BAIAP2L1: variants seen among roughly 807,000 people sequenced by gnomAD.
BAIAP2L1 encodes BAR/IMD domain containing adaptor protein 2 like 1.
A neutral mutation model predicts 66.3 loss-of-function variants in BAIAP2L1; 35 were observed. That is an observed-to-expected ratio of 0.53 (90% CI 0.40 to 0.70). BAIAP2L1 has a LOEUF of 0.70. BAIAP2L1 is among the 30% of genes least tolerant of loss of function. BAIAP2L1 has a pLI of 0.00. For synonymous variants in BAIAP2L1, 269 were observed against 248.7 expected, an observed-to-expected ratio of 1.08 and a Z score of -0.77; for missense variants, 622 against 656.9, an observed-to-expected ratio of 0.95 and a Z score of 0.58.
intron 3 of BAIAP2L1, among the ~76,000 whole-genome samples, chr7:98,347,121 G>A (rs1186408322): frequency 6.6e-6 from 1 of 152,184 alleles, no homozygotes; most frequent in Non-Finnish European, 1.5e-5. Context: ...AATTTGGCAA[G>A]GAGTATGGCA....
At chr7:98,387,781 T>C (rs1029241819) in intron 1 of BAIAP2L1, among the ~76,000 whole-genome samples, 3 of 151,962 alleles carry the variant, frequency 2.0e-5, no homozygotes, top group East Asian at 1.9e-4. Context: ...GCAGGAGAAT[T>C]TGCTTGAGCC....
intron 12 of BAIAP2L1, among the ~76,000 whole-genome samples, chr7:98,301,503 G>A (rs1800421661): frequency 7.9e-6 from 1 of 127,316 alleles, no homozygotes; most frequent in Non-Finnish European, 1.8e-5. Flanking sequence ...ATTTTAAGTG[G>A]AGACGGGATT....
chr7:98,368,350 C>T (rs1265678032), intron 1 of BAIAP2L1, among the ~76,000 whole-genome samples: 2 of 152,102 alleles, frequency 1.3e-5, no homozygotes, highest in Non-Finnish European at 2.9e-5. Context: ...ATCTGGGAGG[C>T]AGAGGTTGCA....
chr7:98,329,795 G>A (rs1007322590), intron 3 of BAIAP2L1, among the ~76,000 whole-genome samples: 13 of 151,884 alleles, frequency 8.6e-5, no homozygotes, highest in South Asian at 6.2e-4. Flanking sequence ...CAAACACAGG[G>A]ATTTAAACAT....
chr7:98,354,072 C>T (rs1802067151), intron 3 of BAIAP2L1, among the ~76,000 whole-genome samples: 1 of 152,152 alleles, frequency 6.6e-6, no homozygotes, highest in Admixed American at 6.6e-5. Flanking sequence ...GGCATCACTT[C>T]CAGCATATGG....
At chr7:98,297,779 C>A (rs1800251228) in intron 12 of BAIAP2L1, among the ~76,000 whole-genome samples, 1 of 152,208 alleles carries the variant, frequency 6.6e-6, no homozygotes, top group Non-Finnish European at 1.5e-5. Flanking sequence ...CAGGCCTGCA[C>A]CGGGGGCACT....
chr7:98,392,950 G>A (rs10228934), intron 1 of BAIAP2L1, among the ~76,000 whole-genome samples: 19,049 of 149,736 alleles, frequency 0.13, 1,485 homozygotes, highest in South Asian at 0.24. Flanking sequence ...CCGCCACCAC[G>A]CCCAGCTGAT....
At chr7:98,384,802 G>A (rs985157445) in intron 1 of BAIAP2L1, among the ~76,000 whole-genome samples, 8 of 149,548 alleles carry the variant, frequency 5.3e-5, no homozygotes, top group Non-Finnish European at 1.0e-4. Flanking sequence ...AGGTTCAAGC[G>A]ATTCTCCTGC....
intron 1 of BAIAP2L1, among the ~76,000 whole-genome samples, chr7:98,396,730 G>T (rs1252582263): frequency 6.6e-6 from 1 of 152,190 alleles, no homozygotes; most frequent in Non-Finnish European, 1.5e-5. Context: ...GGAGGTTGCA[G>T]AGAGCTGCGA....
chr7:98,334,165 T>G (rs1035662091), intron 3 of BAIAP2L1, among the ~76,000 whole-genome samples: 1 of 152,112 alleles, frequency 6.6e-6, no homozygotes, highest in Non-Finnish European at 1.5e-5. Context: ...TTTAATCAAA[T>G]AAGAAGAAAA....
chr7:98,317,418 C>T (rs763773533), intron 5 of BAIAP2L1, 62 bp from the exon 6 acceptor site: 1 of 1,589,662 alleles, frequency 6.3e-7, no homozygotes, highest in Non-Finnish European at 8.6e-7. Context: ...ACACAGTTTG[C>T]CTTTACTCAC....
At position 98,294,109 on chromosome 7, in the gene BAIAP2L1, G is replaced by A. The variant is rs572571991; in HGVS notation, c.1425C>T (p.Asn475=). The part of the protein sequence containing the change: ...PASKPETAAP[N]DANGTAKPPF... ...GCGGCTTTGCAGTCCCGTTGGCATCGTTCTGTGAGAAAGATAAAGAAGTTT... is the reference window on the plus strand; with the variant it reads ...GCGGCTTTGCAGTCCCGTTGGCATCATTCTGTGAGAAAGATAAAGAAGTTT... The change falls in exon 13 of 14, where the codon AAC becomes AAT. Residue 475 remains asparagine, a splice_region_variant and synonymous_variant. Coordinates refer to ENST00000005260, the MANE Select transcript of BAIAP2L1 (RefSeq NM_018842.5). 41 of 1,614,002 alleles carry A rather than the reference G, an allele frequency of 2.5e-5. No homozygotes were observed. The South Asian group carries it at 2.6e-4, about 10-fold the overall frequency.
Position 98,315,588 on chromosome 7 carries a change from G to A in BAIAP2L1, c.511C>T (p.Gln171Ter). Residue 171 changes from glutamine (Q) to a stop codon, truncating the protein, a stop_gained, in exon 7 of 14, where the codon CAG becomes TAG. Coordinates refer to ENST00000005260, the MANE Select transcript of BAIAP2L1 (RefSeq NM_018842.5). LOFTEE classifies it high-confidence loss of function. ...GCAATGAATTTCTGGATTTCACTCT[G>A]ACGAGAAGTAACGGTCTCCACATAC... The part of the protein sequence containing the change: ...IEYVETVTSR[Q>*]SEIQKFIADG... 1 of 1,462,110 alleles carries A rather than the reference G, an allele frequency of 6.8e-7. No homozygotes were observed. 90.6% of individuals were successfully genotyped at this position (1,462,110 alleles called of 1,614,324 possible).
chr7:98,363,535 A>T (rs1413369399), intron 1 of BAIAP2L1, among the ~76,000 whole-genome samples: 5 of 152,188 alleles, frequency 3.3e-5, no homozygotes, highest in African/African-American at 4.8e-5. Flanking sequence ...AAATGCTAGG[A>T]CAAGTATAAG....
In BAIAP2L1 at chr7:98,325,918, C is replaced by T. The variant is rs370519815; in HGVS notation, c.215-5620G>A. Among the ~76,000 whole-genome samples, 5 of 152,326 alleles carry T rather than the reference C, an allele frequency of 3.3e-5. No homozygotes were observed. The East Asian group carries it at 5.8e-4, about 18-fold the overall frequency. On this transcript the variant is annotated intron_variant, in intron 3 of 13. Transcript: ENST00000005260. ...CAAACGTGATCAAATTTGAAAGGCT[C>T]GGTCAGCATCTGAGAACCTGCAGTC...
intron 12 of BAIAP2L1, among the ~76,000 whole-genome samples, chr7:98,297,824 G>T (rs1423796428): frequency 6.6e-6 from 1 of 152,248 alleles, no homozygotes; most frequent in Non-Finnish European, 1.5e-5. Flanking sequence ...CCACGTGAGG[G>T]CGCGCTGTGA....
chr7:98,382,837 A>G (rs532787803), intron 1 of BAIAP2L1, among the ~76,000 whole-genome samples: 3 of 152,332 alleles, frequency 2.0e-5, no homozygotes, highest in East Asian at 3.9e-4. Flanking sequence ...AGTAATGCCT[A>G]TAAGACTGAA....
At chr7:98,398,877 C>A (rs1262262862) in intron 1 of BAIAP2L1, among the ~76,000 whole-genome samples, 1 of 152,186 alleles carries the variant, frequency 6.6e-6, no homozygotes, top group East Asian at 1.9e-4. Context: ...ATACACAGGG[C>A]TGTTCTTGGA....
chr7:98,332,382 C>CAA (rs55987839), intron 3 of BAIAP2L1, among the ~76,000 whole-genome samples: 318 of 27,766 alleles, frequency 0.011, 71 homozygotes, highest in African/African-American at 0.024. Context: ...GACTCCATCT[C>CAA]AAAAAAAAAA....
Sources: allele counts gnomAD v4.1 joint callset (sites outside exome capture counted in the v4.1 genomes callset), GRCh38; gene constraint gnomAD v4.1.1; transcripts MANE v1.5; gene names NCBI Gene and HGNC (gene_info 2026-07-23, HGNC 2026-07-21).